GNPTAB: variants seen among roughly 807,000 people sequenced by gnomAD.
GNPTAB encodes N-acetylglucosamine-1-phosphate transferase subunits alpha and beta.
In GNPTAB, 92 loss-of-function variants were observed where a neutral mutation model predicts 136.6. The ratio of observed to expected loss-of-function variants is 0.67; its 90% confidence interval spans 0.57 to 0.80. GNPTAB has a LOEUF of 0.80. Ranked by LOEUF, GNPTAB falls within the 30% of genes least tolerant of loss-of-function variation. GNPTAB has a pLI of 0.00. For missense variants in GNPTAB, 1,343 were observed against 1,501.8 expected, an observed-to-expected ratio of 0.89 and a Z score of 1.75; for synonymous variants, 512 against 535.1, an observed-to-expected ratio of 0.96 and a Z score of 0.60.
At chr12:101,796,393 T>C in intron 2 of GNPTAB, 1 of 658,262 alleles carries the variant, frequency 1.5e-6, no homozygotes, top group Non-Finnish European at 2.7e-6. Context: ...TGGACATATT[T>C]TCTTTCCTTA....
intron 7 of GNPTAB, among the ~76,000 whole-genome samples, chr12:101,775,687 G>C (rs547294875): frequency 6.6e-6 from 1 of 151,738 alleles, no homozygotes; most frequent in Non-Finnish European, 1.5e-5. Flanking sequence ...ATACGTCCTG[G>C]TGGTTTTCTA....
intron 9 of GNPTAB, 90 bp from the exon 10 acceptor site, chr12:101,770,281 A>G: frequency 6.9e-7 from 1 of 1,445,012 alleles, no homozygotes; most frequent in Non-Finnish European, 9.7e-7. Context: ...AAGGCAATGA[A>G]GAGCTAGAGA....
At chr12:101,796,612 A>G (rs918566502) in intron 2 of GNPTAB, 65 bp downstream of exon 2, 1 of 1,027,346 alleles carries the variant, frequency 9.7e-7, no homozygotes, top group Non-Finnish European at 1.5e-6. Flanking sequence ...TCATATTTAC[A>G]GGATGGCTAT....
intron 1 of GNPTAB, among the ~76,000 whole-genome samples, chr12:101,824,509 C>A (rs1870993103): frequency 6.9e-6 from 1 of 145,498 alleles, no homozygotes; most frequent in Non-Finnish European, 1.5e-5. Flanking sequence ...CTCTGTCGCC[C>A]AAGCTGGAGT....
Position 101,764,035 on chromosome 12 carries a change from T to A in GNPTAB, c.2715+167A>T, listed in dbSNP as rs540727282. ...TAATAAATACCTTCATATGACATTT[T>A]TTATTATTAGGGTTATTGGGTAAAT... On this transcript the variant is annotated intron_variant, in intron 13 of 20. Coordinates refer to ENST00000299314, the MANE Select transcript of GNPTAB (RefSeq NM_024312.5). 2.0e-5 allele frequency among the ~76,000 whole-genome samples: 3 copies of A among 152,292 alleles called. No homozygotes were observed. In the South Asian group the frequency reaches 6.2e-4, roughly 32 times the overall value.
intron 1 of GNPTAB, among the ~76,000 whole-genome samples, chr12:101,809,171 A>C (rs1225260059): frequency 6.6e-6 from 1 of 152,262 alleles, no homozygotes; most frequent in East Asian, 1.9e-4. Flanking sequence ...GATGGTAAAC[A>C]AGTATATAAA....
chr12:101,783,189 G>C (rs1439152065), intron 5 of GNPTAB, among the ~76,000 whole-genome samples: 2 of 151,812 alleles, frequency 1.3e-5, no homozygotes, highest in East Asian at 3.9e-4. Flanking sequence ...TGTATCTTCA[G>C]TACAGGGAAC....
At chr12:101,799,713 A>T (rs1869497751) in intron 1 of GNPTAB, among the ~76,000 whole-genome samples, 1 of 127,454 alleles carries the variant, frequency 7.8e-6, no homozygotes, top group African/African-American at 3.3e-5. Context: ...GAAGTCAGGA[A>T]GTACCTTGCC....
Position 101,764,636 on chromosome 12 carries a change from T to G in GNPTAB, c.2281A>C (p.Ser761Arg), listed in dbSNP as rs1447222620. 1 of 1,613,930 alleles carries G rather than the reference T, an allele frequency of 6.2e-7. No individual in the cohort carries two copies. The highest frequency in any genetic ancestry group is 8.5e-7 in the Non-Finnish European group (1 of 1,180,016). ...QAIITDETND[S>R]LVAPQEKQVH... ...TGTTTTTCCTGTGGAGCCACCAAACTGTCATTTGTTTCATCTGTTATTATA... is the reference window on the plus strand; with the variant it reads ...TGTTTTTCCTGTGGAGCCACCAAACGGTCATTTGTTTCATCTGTTATTATA... Residue 761 changes from serine (S) to arginine (R), a missense_variant, in exon 13 of 21, where the codon AGT (serine) becomes CGT (arginine). Transcript: ENST00000299314.
At chr12:101,822,237 C>T (rs1046934841) in intron 1 of GNPTAB, among the ~76,000 whole-genome samples, 5 of 152,092 alleles carry the variant, frequency 3.3e-5, no homozygotes, top group Non-Finnish European at 7.4e-5. Context: ...CACGGTGAAA[C>T]CCCGTCTCTA....
At chr12:101,779,995 A>G in intron 7 of GNPTAB, 157 bp downstream of exon 7, 1 of 748,274 alleles carries the variant, frequency 1.3e-6, no homozygotes, top group East Asian at 2.6e-5. Context: ...TGCCCAAATT[A>G]AAAGTAAGGA....
At chr12:101,776,550 C>T (rs998670545) in intron 7 of GNPTAB, among the ~76,000 whole-genome samples, 9 of 152,210 alleles carry the variant, frequency 5.9e-5, no homozygotes, top group Non-Finnish European at 1.2e-4. Flanking sequence ...ACTCCTGCCT[C>T]AGTTAATAAA....
At chr12:101,795,045 T>C (rs986487378) in intron 2 of GNPTAB, among the ~76,000 whole-genome samples, 3 of 152,252 alleles carry the variant, frequency 2.0e-5, no homozygotes, top group African/African-American at 7.2e-5. Flanking sequence ...TATCTGATTT[T>C]AAAATGTTAA....
chr12:101,801,567 A>C (rs1210473284), intron 1 of GNPTAB, among the ~76,000 whole-genome samples: 4 of 145,146 alleles, frequency 2.8e-5, no homozygotes, highest in African/African-American at 7.6e-5. Flanking sequence ...AAAAAAAAAA[A>C]CTGGAAAAAA....
intron 4 of GNPTAB, among the ~76,000 whole-genome samples, chr12:101,787,296 T>C (rs1868709317): frequency 6.6e-6 from 1 of 152,132 alleles, no homozygotes; most frequent in Non-Finnish European, 1.5e-5. Context: ...TATACAACTA[T>C]TAAAACTGAA....
intron 1 of GNPTAB, among the ~76,000 whole-genome samples, chr12:101,829,201 C>T (rs1195962600): frequency 6.6e-6 from 1 of 152,102 alleles, no homozygotes; most frequent in Non-Finnish European, 1.5e-5. Context: ...ATGAAAAATT[C>T]GGGCCAGGTG....
chr12:101,822,321 G>A (rs983282203), intron 1 of GNPTAB, among the ~76,000 whole-genome samples: 1 of 152,208 alleles, frequency 6.6e-6, no homozygotes, highest in Non-Finnish European at 1.5e-5. Flanking sequence ...GCTGAGGCAG[G>A]AGAATGGCGT....
intron 13 of GNPTAB, among the ~76,000 whole-genome samples, chr12:101,762,903 T>A (rs866116440): frequency 5.0e-4 from 62 of 125,138 alleles, no homozygotes; most frequent in Non-Finnish European, 5.7e-4. Context: ...TTTGTAAATT[T>A]AAAAAAAAAA....
chr12:101,796,422 C>T lies in GNPTAB; in HGVS notation c.203+255G>A, dbSNP rs1037026945. Reference sequence around the variant, plus strand: ...TTCCTTATTTTAAAAAAATATCTTACGGAATACTTCATGAATTGGTGTGTC... The same window carrying T: ...TTCCTTATTTTAAAAAAATATCTTATGGAATACTTCATGAATTGGTGTGTC... On this transcript the variant is annotated intron_variant, in intron 2 of 20. Transcript: ENST00000299314. The T allele has an allele frequency of 1.6e-4, 103 of 640,810 alleles. No homozygotes were observed. In the East Asian group the frequency reaches 2.1e-3, roughly 13 times the overall value. The allele number at this position is 640,810 out of a possible 1,614,324, so 39.7% of individuals were successfully genotyped here.
Sources: gnomAD v4.1 joint callset for allele counts (sites outside exome capture counted in the v4.1 genomes callset) on GRCh38, gnomAD v4.1.1 for gene constraint, MANE v1.5 for transcripts, NCBI Gene and HGNC (gene_info 2026-07-23, HGNC 2026-07-21) for gene names.